ECEL1: variants seen among roughly 807,000 people sequenced by gnomAD.
ECEL1 encodes the protein endothelin-converting enzyme-like 1.
ECEL1 carries 87 observed loss-of-function variants against 101.8 expected under a neutral mutation model. That is an observed-to-expected ratio of 0.85 (90% CI 0.72 to 1.02). The LOEUF is 1.02. Among genes scored for constraint, ECEL1 ranks in the 50% least tolerant of loss-of-function variants. The probability of loss-of-function intolerance (pLI) is 0.00; values close to 1 mark genes in which losing one functional copy is unlikely to be tolerated. For synonymous variants in ECEL1, 487 were observed against 468.7 expected (o/e 1.04, Z -0.50); for missense variants, 1,032 against 1,079.2 (o/e 0.96, Z 0.61).
intron 3 of ECEL1, 43 bp downstream of exon 3, chr2:232,485,156 G>C (rs754775478): frequency 1.2e-6 from 2 of 1,612,570 alleles, no homozygotes; most frequent in East Asian, 2.2e-5. Context: ...ACCCCTCCTG[G>C]GGCCCCAGGC....
In ECEL1 at chr2:232,484,772, C is replaced by T. The variant is rs746895649; in HGVS notation, c.1059+29G>A. On this transcript the variant is annotated intron_variant, in intron 5 of 17. Transcript: ENST00000304546. Reference sequence around the variant, plus strand: ...AGCAGCAGCATTGCCCTCAACCCTGCCTGCCCACGAGGACTGGGCCACACT... The same window carrying T: ...AGCAGCAGCATTGCCCTCAACCCTGTCTGCCCACGAGGACTGGGCCACACT... 4.3e-6 allele frequency: 7 copies of T among 1,613,064 alleles called. No homozygotes were observed. In the Admixed American group the frequency reaches 8.3e-5, roughly 19 times the overall value.
In ECEL1 at chr2:232,482,530, G is replaced by C; in HGVS notation, c.1744+20C>G. ...ACTTTCGGACCCTGCCCCGCCCGGC[G>C]TAGGGACACATCCCCTTACCCATCT... On this transcript the variant is annotated intron_variant, in intron 11 of 17. Transcript: ENST00000304546. The C allele has an allele frequency of 6.2e-7, 1 of 1,614,004 alleles. No individual in the cohort carries two copies. The highest frequency in any genetic ancestry group is 8.5e-7 in the Non-Finnish European group (1 of 1,180,012).
chr2:232,483,542 G>A, intron 7 of ECEL1, 28 bp from the exon 8 acceptor site: 8 of 1,575,356 alleles, frequency 5.1e-6, no homozygotes, highest in Non-Finnish European at 6.9e-6. Context: ...AGGGAGCAAG[G>A]GTCAACCCAG....
chr2:232,480,068 TG>T lies in ECEL1; in HGVS notation c.*84del. On this transcript the variant is annotated 3_prime_UTR_variant, in exon 18 of 18. Coordinates refer to ENST00000304546, the MANE Select transcript of ECEL1 (RefSeq NM_004826.4). ...AGGCAGGTGGTGCCCAGAGCGGGGC[TG>T]GCACCGGGTGCATGCCTGCCCCGGT... The T allele has an allele frequency of 7.4e-7, 1 of 1,347,268 alleles. No individual in the cohort carries two copies. Among genetic ancestry groups the T allele is most frequent in the Non-Finnish European group, 1.0e-6 (1 of 958,510 alleles). 83.5% of individuals were successfully genotyped at this position (1,347,268 alleles called of 1,614,324 possible). A position where few individuals can be genotyped will look rare whatever the true frequency, so the allele number is the denominator to read the frequency against.
chr2:232,486,448 G>A lies in ECEL1; in HGVS notation c.206C>T (p.Ala69Val), dbSNP rs1193007940. ...CGCCAGAATGGCGCAGAGGCCGGCG[G>A]CGAACACCAGCCCCGACAGCAGGCA... is the stretch of plus-strand genomic sequence containing the variant. ...EVCLLSGLVF[A>V]AGLCAILAAM... Residue 69 changes from alanine to valine, a missense_variant, in exon 2 of 18, where the codon GCC becomes GTC. Ala to Val is a moderately conservative substitution (Grantham distance 64). Transcript: ENST00000304546. The A allele has an allele frequency of 2.8e-6, 4 of 1,454,144 alleles. No homozygotes were observed. The highest frequency in any genetic ancestry group is 2.7e-6 in the Non-Finnish European group (3 of 1,114,892). The allele number at this position is 1,454,144 out of a possible 1,614,324, so 90.1% of individuals were successfully genotyped here.
In ECEL1 at chr2:232,480,382, C is replaced by A. The variant is rs372304234; in HGVS notation, c.2228+17G>T. On this transcript the variant is annotated intron_variant, in intron 17 of 17. Transcript: ENST00000304546. ...AACACAAGGAGTGGACAAGGCCAGG[C>A]GGGCAGGTGGGCATACCTGTAGTGC... 1.2e-5 allele frequency: 19 copies of A among 1,613,322 alleles called. No homozygotes were observed. The highest frequency in any genetic ancestry group is 1.5e-5 in the Non-Finnish European group (18 of 1,179,552).
intron 1 of ECEL1, among the ~76,000 whole-genome samples, chr2:232,487,318 C>A (rs116325059): frequency 0.13 from 20,213 of 152,182 alleles, 2,353 homozygotes; most frequent in African/African-American, 0.31. Context: ...CTCGCCCCTT[C>A]CCTAGGGGCG....
intron 6 of ECEL1, 63 bp from the exon 7 acceptor site, chr2:232,484,286 C>T: frequency 6.3e-7 from 1 of 1,577,360 alleles, no homozygotes; most frequent in South Asian, 1.2e-5. Flanking sequence ...CCAAGGGCAC[C>T]ACCCCTACCT....
At chr2:232,485,832 G>A (rs1690705888) in intron 2 of ECEL1, 36 bp downstream of exon 2, 3 of 1,537,014 alleles carry the variant, frequency 2.0e-6, no homozygotes, top group Non-Finnish European at 2.6e-6. Context: ...CCCCGGATCC[G>A]CGGCCGCTGG....
chr2:232,480,862 C>T (rs774657329), intron 15 of ECEL1, 49 bp from the exon 16 acceptor site: 28 of 1,542,454 alleles, frequency 1.8e-5, no homozygotes, highest in Non-Finnish European at 2.5e-5. Context: ...ACCCTGGGCA[C>T]CGCTTCTTCT....
In ECEL1 at chr2:232,479,998, C is replaced by T; in HGVS notation, c.*155G>A. ...AGCCTCACCCTGCTCCAGGCCCCTC[C>T]TGAAGTGAGGGGCAGCAGGGGGACC... On this transcript the variant is annotated 3_prime_UTR_variant, in exon 18 of 18. Coordinates refer to ENST00000304546, the MANE Select transcript of ECEL1 (RefSeq NM_004826.4). The T allele has an allele frequency of 1.4e-6, 1 of 691,316 alleles. No homozygotes were observed. The highest frequency in any genetic ancestry group is 2.5e-6 in the Non-Finnish European group (1 of 405,252). 42.8% of individuals were successfully genotyped at this position (691,316 alleles called of 1,614,324 possible).
intron 3 of ECEL1, 34 bp from the exon 4 acceptor site, chr2:232,485,125 G>T (rs1487164658): frequency 6.2e-7 from 1 of 1,611,650 alleles, no homozygotes; most frequent in African/African-American, 1.3e-5. Context: ...CCAGGGACAG[G>T]GACAGGCCTA....
rs186105776 is a variant in ECEL1 at position 232,481,426 on chromosome 2, C to T, written c.1989+80G>A. On this transcript the variant is annotated intron_variant, in intron 14 of 17. Transcript: ENST00000304546. ...CACAGGTTTTGTTTGGACATGTGCA[C>T]GTGCGCAAGGGTGTGCGTGATGCTC... The T allele has an allele frequency of 4.2e-5, 64 of 1,531,598 alleles. 1 individual carries two copies. The highest frequency in any genetic ancestry group is 4.1e-4 in the African/African-American group (30 of 72,892). The allele number at this position is 1,531,598 out of a possible 1,614,324, so 94.9% of individuals were successfully genotyped here.
intron 17 of ECEL1, 48 bp from the exon 18 acceptor site, chr2:232,480,300 AG>A (rs1295844855): frequency 6.2e-7 from 1 of 1,611,426 alleles, no homozygotes; most frequent in Non-Finnish European, 8.5e-7. Flanking sequence ...CAGCCACTCC[AG>A]CCCCAGCAAC....
Position 232,480,019 on chromosome 2 carries a change from G to C in ECEL1, c.*134C>G. 2.5e-6 allele frequency: 2 copies of C among 807,530 alleles called. No homozygotes were observed. The highest frequency in any genetic ancestry group is 3.4e-5 in the South Asian group (2 of 58,148). 50.0% of individuals were successfully genotyped at this position (807,530 alleles called of 1,614,324 possible). On this transcript the variant is annotated 3_prime_UTR_variant, in exon 18 of 18. Transcript: ENST00000304546. ...CCTCCTGAAGTGAGGGGCAGCAGGGGGACCGGGTCCTGGAGGGGCTGGAAG... is the reference window on the plus strand; with the variant it reads ...CCTCCTGAAGTGAGGGGCAGCAGGGCGACCGGGTCCTGGAGGGGCTGGAAG...
At chr2:232,486,785 G>A in intron 1 of ECEL1, 31 bp from the exon 2 acceptor site, 1 of 1,048,006 alleles carries the variant, frequency 9.5e-7, no homozygotes, top group African/African-American at 1.7e-5. Context: ...GGCTCAGGAG[G>A]CGCCGCAGCC....
chr2:232,480,037 G>T lies in ECEL1; in HGVS notation c.*116C>A. ...AGCAGGGGGACCGGGTCCTGGAGGGGCTGGAAGGCAGGTGGTGCCCAGAGC... is the reference window on the plus strand; with the variant it reads ...AGCAGGGGGACCGGGTCCTGGAGGGTCTGGAAGGCAGGTGGTGCCCAGAGC... On this transcript the variant is annotated 3_prime_UTR_variant, in exon 18 of 18. Coordinates refer to ENST00000304546, the MANE Select transcript of ECEL1 (RefSeq NM_004826.4). 2.0e-6 allele frequency: 2 copies of T among 991,750 alleles called. No homozygotes were observed. The highest frequency in any genetic ancestry group is 3.1e-6 in the Non-Finnish European group (2 of 654,846). 61.4% of individuals were successfully genotyped at this position (991,750 alleles called of 1,614,324 possible).
At chr2:232,480,900 G>A in intron 15 of ECEL1, 87 bp from the exon 16 acceptor site, 2 of 1,410,196 alleles carry the variant, frequency 1.4e-6, no homozygotes, top group Admixed American at 2.1e-5. Context: ...AGCCCTCCCT[G>A]CTCTCCCTGT....
rs372181905 is a variant in ECEL1 at position 232,480,276 on chromosome 2, A to T, written c.2229-24T>A. On this transcript the variant is annotated intron_variant, in intron 17 of 17. Coordinates refer to ENST00000304546, the MANE Select transcript of ECEL1 (RefSeq NM_004826.4). ...CCCTGGGGTGGGGAGAGACCCACAC[A>T]GTGTTGGGCCCTGCAGCCACTCCAG... 3.3e-5 allele frequency: 54 copies of T among 1,612,774 alleles called. No individual in the cohort carries two copies. The African/African-American group carries it at 6.1e-4, about 18-fold the overall frequency.
Sources: gnomAD v4.1 joint callset for allele counts (sites outside exome capture counted in the v4.1 genomes callset) on GRCh38, gnomAD v4.1.1 for gene constraint, MANE v1.5 for transcripts, NCBI Gene and HGNC (gene_info 2026-07-23, HGNC 2026-07-21) for gene names.